The following ZNF773 variants were observed in gnomAD, a reference collection of about 807,000 sequenced individuals.
ZNF773 encodes the protein zinc finger protein 419B.
In ZNF773, 11 loss-of-function variants were observed where a neutral mutation model predicts 12.8. That is an observed-to-expected ratio of 0.86 (90% confidence interval 0.54 to 1.42). The LOEUF is 1.42. Ranked by LOEUF, ZNF773 falls within the 40% of genes most tolerant of loss-of-function variation. The pLI is 0.00. For missense variants in ZNF773, 518 were observed against 527.2 expected (o/e 0.98, Z 0.17); for synonymous variants, 175 against 178.4 (o/e 0.98, Z 0.15).
chr19:57,505,379 G>T lies in ZNF773; in HGVS notation c.241G>T (p.Val81Leu). The T allele has an allele frequency of 6.2e-7, 1 of 1,613,988 alleles. No individual in the cohort carries two copies. The highest frequency in any genetic ancestry group is 1.3e-5 in the African/African-American group (1 of 75,012). ...GCCCTTCATGCCTGCTTGGGAAGTT[G>T]TGACTTCAGCCATACTGAGAGGTAC... Reference protein sequence around the residue: ...EEPFMPAWEVVTSAILRGSWQ... With the variant: ...EEPFMPAWEVLTSAILRGSWQ... Residue 81 changes from valine to leucine, a missense_variant, in exon 3 of 4, where the codon GTG becomes TTG. Physicochemically the swap from Val to Leu is conservative, Grantham distance 32. Coordinates refer to ENST00000282292, the MANE Select transcript of ZNF773 (RefSeq NM_198542.3).
At position 57,500,043 on chromosome 19, in the gene ZNF773, C is replaced by A. The variant is rs764058968; in HGVS notation, c.-38C>A. On this transcript the variant is annotated 5_prime_UTR_variant, in exon 1 of 4. Coordinates refer to ENST00000282292, the MANE Select transcript of ZNF773 (RefSeq NM_198542.3). ...GTGGCGGCGCCCAGGGTGGCCCGGG[C>A]CCTTTCCTCGGTCGTTGTCTCACCG... is the stretch of plus-strand genomic sequence containing the variant. 1 of 1,562,000 alleles carries A rather than the reference C, an allele frequency of 6.4e-7. No individual in the cohort carries two copies.
chr19:57,509,346 A>G (rs1189666152), downstream of ZNF773, among the ~76,000 whole-genome samples: 1 of 152,344 alleles, frequency 6.6e-6, no homozygotes, highest in East Asian at 1.9e-4. Flanking sequence ...ATGTATATAG[A>G]TAATGTGTAC....
chr19:57,501,863 T>C (rs1014650106), intron 1 of ZNF773, among the ~76,000 whole-genome samples: 1 of 152,212 alleles, frequency 6.6e-6, no homozygotes, highest in Non-Finnish European at 1.5e-5. Context: ...CCTTGCTGGC[T>C]ATTCTCCCTC....
intron 1 of ZNF773, among the ~76,000 whole-genome samples, chr19:57,501,497 G>A (rs548150084): frequency 7.1e-4 from 108 of 152,210 alleles, no homozygotes; most frequent in African/African-American, 2.6e-3. Flanking sequence ...GAATGAGTTT[G>A]ATACAAACAA....
chr19:57,504,361 C>A (rs1283244265), intron 1 of ZNF773, among the ~76,000 whole-genome samples: 1 of 152,122 alleles, frequency 6.6e-6, no homozygotes, highest in Non-Finnish European at 1.5e-5. Flanking sequence ...AGAACACTGA[C>A]ACAAATTTGA....
At chr19:57,510,070 C>T (rs1375563861), downstream of ZNF773, among the ~76,000 whole-genome samples, 3 of 152,228 alleles carry the variant, frequency 2.0e-5, no homozygotes, top group East Asian at 1.9e-4. Flanking sequence ...TTCAAATCAC[C>T]CCGCTGGGTC....
intron 1 of ZNF773, 82 bp from the exon 2 acceptor site, chr19:57,504,575 G>A: frequency 6.3e-7 from 1 of 1,578,000 alleles, no homozygotes. Context: ...AAGGAAGAGG[G>A]TGAGCAGGGG....
In ZNF773 at chr19:57,506,609, G is replaced by A; in HGVS notation, c.514G>A (p.Glu172Lys). ...CAAGCACCAGGTGACTCACACGGGA[G>A]AGAAGTCACATAGGAGCTCCAAAAG... Reference protein sequence around the residue: ...VLKHQVTHTGEKSHRSSKSRE... With the variant: ...VLKHQVTHTGKKSHRSSKSRE... The change falls in exon 4 of 4, where the codon GAG (glutamate) becomes AAG (lysine). Residue 172 changes from glutamate (E) to lysine (K), a missense_variant. Transcript: ENST00000282292. The A allele has an allele frequency of 6.2e-7, 1 of 1,614,220 alleles. No homozygotes were observed. Among genetic ancestry groups the A allele is most frequent in the South Asian group, 1.1e-5 (1 of 91,082 alleles).
downstream of ZNF773, chr19:57,512,964 C>T (rs575346843): frequency 1.2e-5 from 18 of 1,484,550 alleles, no homozygotes; most frequent in South Asian, 2.1e-4. Context: ...GCCCTCTGAC[C>T]CCTTCTTTAA....
At chr19:57,515,675 C>T (rs2089827280), downstream of ZNF773, 1 of 152,276 alleles carries the variant, frequency 6.6e-6, no homozygotes, top group South Asian at 2.1e-4. Flanking sequence ...TGACAATGGA[C>T]CTGCTTATGT....
chr19:57,511,055 A>AT (rs58295363), downstream of ZNF773, among the ~76,000 whole-genome samples: 172 of 116,858 alleles, frequency 1.5e-3, 2 homozygotes, highest in South Asian at 3.1e-3. Flanking sequence ...TATTTTATTT[A>AT]TTTTTTTTTT....
chr19:57,504,888 T>C, intron 2 of ZNF773, 102 bp downstream of exon 2: 4 of 1,402,828 alleles, frequency 2.9e-6, no homozygotes, highest in Non-Finnish European at 4.0e-6. Context: ...CTGTGGGCAC[T>C]CATTCCTTCT....
chr19:57,509,029 G>A (rs2089776371), downstream of ZNF773, among the ~76,000 whole-genome samples: 2 of 152,110 alleles, frequency 1.3e-5, no homozygotes, highest in South Asian at 4.2e-4. Flanking sequence ...CTAACCCCTG[G>A]CCTCAAGTGA....
downstream of ZNF773, chr19:57,514,653 T>C (rs149833775): frequency 2.6e-5 from 4 of 152,170 alleles, no homozygotes; most frequent in Non-Finnish European, 5.9e-5. Flanking sequence ...TCTTTGCAAA[T>C]TTATCTTTCT....
intron 2 of ZNF773, 91 bp from the exon 3 acceptor site, chr19:57,505,211 C>A (rs1221132527): frequency 2.1e-6 from 3 of 1,456,520 alleles, no homozygotes; most frequent in Admixed American, 1.8e-5. Flanking sequence ...CTCCAAGGTT[C>A]TTTCTGTACT....
chr19:57,505,126 T>G, intron 2 of ZNF773, 176 bp from the exon 3 acceptor site: 1 of 781,936 alleles, frequency 1.3e-6, no homozygotes, highest in South Asian at 1.5e-5. Flanking sequence ...CCAACATACC[T>G]GGGTGTCGGT....
chr19:57,516,963 G>A (rs2089835949), downstream of ZNF773: 1 of 152,220 alleles, frequency 6.6e-6, no homozygotes, highest in South Asian at 2.1e-4. Context: ...ATGGGCTTTA[G>A]CCCACCTTTG....
At chr19:57,500,242 G>A in intron 1 of ZNF773, 129 bp downstream of exon 1, 1 of 1,306,082 alleles carries the variant, frequency 7.7e-7, no homozygotes, top group South Asian at 1.6e-5. Flanking sequence ...CAGTGTGATG[G>A]GGTGGCAATG....
chr19:57,503,009 G>T (rs1028236845), intron 1 of ZNF773, among the ~76,000 whole-genome samples: 1 of 152,186 alleles, frequency 6.6e-6, no homozygotes, highest in African/African-American at 2.4e-5. Flanking sequence ...TGTTTTTTAA[G>T]TAGATATGGG....
Sources: allele counts gnomAD v4.1 joint callset (sites outside exome capture counted in the v4.1 genomes callset), GRCh38; gene constraint gnomAD v4.1.1; transcripts MANE v1.5; gene names NCBI Gene and HGNC (gene_info 2026-07-23, HGNC 2026-07-21).